The following CTCF variants were observed in gnomAD, a reference collection of about 807,000 sequenced individuals.
CTCF encodes transcriptional repressor CTCF.
A neutral mutation model predicts 72.3 loss-of-function variants in CTCF; 7 were observed. That is an observed-to-expected ratio of 0.10 (90% CI 0.06 to 0.18). The LOEUF (loss-of-function observed/expected upper bound fraction) is 0.18, where lower values mean the gene tolerates loss of function less well. CTCF is among the 10% of genes least tolerant of loss of function. CTCF has a pLI of 1.00. For synonymous variants in CTCF, 374 were observed against 315.8 expected (o/e 1.18, Z -1.95); for missense variants, 516 against 949.1 (o/e 0.54, Z 6.00).
intron 11 of CTCF, among the ~76,000 whole-genome samples, chr16:67,637,314 C>T (rs1279424589): frequency 6.6e-6 from 1 of 152,134 alleles, no homozygotes; most frequent in Non-Finnish European, 1.5e-5. Flanking sequence ...GGAGGATCAC[C>T]TGAGGTCAGT....
chr16:67,634,658 C>T (rs567631571), intron 10 of CTCF, among the ~76,000 whole-genome samples: 110 of 151,466 alleles, frequency 7.3e-4, no homozygotes, highest in African/African-American at 2.5e-3. Flanking sequence ...GCTGGGACTA[C>T]AGACACACAC....
At chr16:67,581,415 T>TG (rs1209223807) in intron 2 of CTCF, among the ~76,000 whole-genome samples, 1 of 151,844 alleles carries the variant, frequency 6.6e-6, no homozygotes, top group East Asian at 1.9e-4. Flanking sequence ...CTCTGCCTCC[T>TG]GGGGTCAAGT....
At position 67,601,255 on chromosome 16, in the gene CTCF, T is replaced by TGTG. The variant is rs1491534855; in HGVS notation, c.-9-9569_-9-9568insGTG. 7.0e-4 allele frequency among the ~76,000 whole-genome samples: 89 copies of TGTG among 126,522 alleles called. 1 individual carries two copies. The highest frequency in any genetic ancestry group is 3.7e-3 in the Middle Eastern group (1 of 270). The allele number at this position is 126,522 out of a possible 152,430, so 83.0% of individuals were successfully genotyped here. ...GTGTGTGTGTGTGTGTGTGTGTGTG[T>TGTG]TTTGTTTTGTTTTTTAAGACAGAGT... On this transcript the variant is annotated intron_variant, in intron 2 of 11. Coordinates refer to ENST00000264010, the MANE Select transcript of CTCF (RefSeq NM_006565.4).
At chr16:67,631,150 GTTTGT>G (rs1346639887) in intron 10 of CTCF, among the ~76,000 whole-genome samples, 1 of 132,534 alleles carries the variant, frequency 7.5e-6, no homozygotes, top group African/African-American at 3.2e-5. Flanking sequence ...TTTGTTCTTT[GTTTGT>G]TTTTTTTTTG....
chr16:67,634,884 G>A (rs1271022903), intron 10 of CTCF, among the ~76,000 whole-genome samples: 2 of 151,570 alleles, frequency 1.3e-5, no homozygotes, highest in Non-Finnish European at 2.9e-5. Flanking sequence ...TGTATTTTTA[G>A]TAGAGACGGG....
chr16:67,584,337 C>CTTTTTTTTTTTT (rs904086024), intron 2 of CTCF, among the ~76,000 whole-genome samples: 8 of 105,858 alleles, frequency 7.6e-5, no homozygotes, highest in African/African-American at 2.6e-4. Context: ...AAAAAGTCTT[C>CTTTTTTTTTTTT]TTTTTTTTTT....
At chr16:67,582,921 ATACTC>A (rs2051606855) in intron 2 of CTCF, among the ~76,000 whole-genome samples, 1 of 151,848 alleles carries the variant, frequency 6.6e-6, no homozygotes, top group Admixed American at 6.6e-5. Flanking sequence ...ATAGCTGTAA[ATACTC>A]TACACATTTT....
chr16:67,636,933 A>G, intron 11 of CTCF, 82 bp downstream of exon 11: 1 of 1,243,264 alleles, frequency 8.0e-7, no homozygotes, highest in Non-Finnish European at 1.1e-6. Context: ...TTCTTTGGGG[A>G]TGTGGGAACT....
intron 2 of CTCF, among the ~76,000 whole-genome samples, chr16:67,607,586 G>A (rs2051993380): frequency 6.6e-6 from 1 of 151,992 alleles, no homozygotes; most frequent in South Asian, 2.1e-4. Flanking sequence ...GATTACAGGC[G>A]TGAGCTACCG....
At chr16:67,575,506 G>A (rs1476401447) in intron 2 of CTCF, among the ~76,000 whole-genome samples, 2 of 152,106 alleles carry the variant, frequency 1.3e-5, no homozygotes, top group East Asian at 1.9e-4. Flanking sequence ...GTGCAGTGGT[G>A]CAATCTCGGC....
intron 2 of CTCF, among the ~76,000 whole-genome samples, chr16:67,606,067 C>T (rs2051969150): frequency 6.6e-6 from 1 of 152,180 alleles, no homozygotes; most frequent in South Asian, 2.1e-4. Flanking sequence ...GCCCAGAAAG[C>T]ATAAGTGGTT....
At position 67,611,732 on chromosome 16, in the gene CTCF, C is replaced by T. The variant is rs187702835; in HGVS notation, c.781+119C>T. ...TTGTAAAAGGTCGTTATGTGGGTAC[C>T]GTTCTTTAAAACCAGTCTAAAATAA... On this transcript the variant is annotated intron_variant, in intron 3 of 11. Coordinates refer to ENST00000264010, the MANE Select transcript of CTCF (RefSeq NM_006565.4). The T allele has an allele frequency of 2.8e-5, 30 of 1,086,060 alleles. No individual in the cohort carries two copies. The East Asian group carries it at 3.3e-4, about 12-fold the overall frequency. The allele number at this position is 1,086,060 out of a possible 1,614,324, so 67.3% of individuals were successfully genotyped here.
At chr16:67,564,594 AAT>A (rs1386141327) in intron 1 of CTCF, among the ~76,000 whole-genome samples, 2 of 152,180 alleles carry the variant, frequency 1.3e-5, no homozygotes, top group African/African-American at 4.8e-5. Flanking sequence ...TTAATTATCT[AAT>A]ATGTTAGTCC....
chr16:67,585,515 A>G (rs1226102904), intron 2 of CTCF, among the ~76,000 whole-genome samples: 1 of 152,240 alleles, frequency 6.6e-6, no homozygotes, highest in African/African-American at 2.4e-5. Flanking sequence ...TTCTTAACCC[A>G]GGACTTTTCA....
At chr16:67,594,849 G>GA (rs1702960253) in intron 2 of CTCF, among the ~76,000 whole-genome samples, 1 of 152,098 alleles carries the variant, frequency 6.6e-6, no homozygotes, top group African/African-American at 2.4e-5. Context: ...AATACTGGGG[G>GA]AAAAACACAT....
chr16:67,572,426 T>C (rs1412204577), intron 2 of CTCF: 1 of 152,200 alleles, frequency 6.6e-6, no homozygotes, highest in African/African-American at 2.4e-5. Context: ...TCAAGTGTTA[T>C]GACTAGCTTA....
chr16:67,629,775 T>C (rs2052339765), intron 10 of CTCF, among the ~76,000 whole-genome samples: 1 of 77,010 alleles, frequency 1.3e-5, no homozygotes, highest in Non-Finnish European at 2.6e-5. Context: ...TTTTTTTTTT[T>C]TTTTTTTTTT....
intron 9 of CTCF, among the ~76,000 whole-genome samples, chr16:67,628,961 A>T (rs1356746559): frequency 6.6e-6 from 1 of 151,832 alleles, no homozygotes; most frequent in Non-Finnish European, 1.5e-5. Context: ...CTGAGGCAGG[A>T]GGATGGCGTG....
intron 2 of CTCF, among the ~76,000 whole-genome samples, chr16:67,588,480 CAG>C (rs2051697248): frequency 6.6e-6 from 1 of 151,922 alleles, no homozygotes; most frequent in Non-Finnish European, 1.5e-5. Flanking sequence ...ATTAGGGGAA[CAG>C]AAAGTGAAGC....
Sources: gnomAD v4.1 joint callset for allele counts (sites outside exome capture counted in the v4.1 genomes callset) on GRCh38, gnomAD v4.1.1 for gene constraint, MANE v1.5 for transcripts, NCBI Gene and HGNC (gene_info 2026-07-23, HGNC 2026-07-21) for gene names.